CTNNBIP1: variants seen among roughly 807,000 people sequenced by gnomAD.
CTNNBIP1 encodes the protein catenin beta interacting protein 1.
A neutral mutation model predicts 11.8 loss-of-function variants in CTNNBIP1; 7 were observed. The observed-to-expected ratio is 0.60, with a 90% CI of 0.34 to 1.12. CTNNBIP1 has a LOEUF of 1.12. Among genes scored for constraint, CTNNBIP1 ranks in the 50% most tolerant of loss-of-function variants. The pLI is 0.03. For missense variants in CTNNBIP1, 101 were observed against 113.4 expected (o/e 0.89, Z 0.50); for synonymous variants, 58 against 43.9 (o/e 1.32, Z -1.26).
chr1:9,852,624 A>G (rs893566094), intron 5 of CTNNBIP1, among the ~76,000 whole-genome samples: 4 of 152,230 alleles, frequency 2.6e-5, no homozygotes, highest in Non-Finnish European at 4.4e-5. Context: ...CCTGCACGGC[A>G]GCTGAGTTGG....
intron 2 of CTNNBIP1, chr1:9,878,201 A>G (rs1570579830): frequency 6.6e-6 from 1 of 152,280 alleles, no homozygotes; most frequent in East Asian, 1.9e-4. Context: ...AAGGTGCTGA[A>G]GGCAGCTCAG....
intron 5 of CTNNBIP1, among the ~76,000 whole-genome samples, chr1:9,855,255 C>CTTTT (rs35112494): frequency 3.4e-4 from 43 of 127,380 alleles, no homozygotes; most frequent in African/African-American, 1.0e-3. Context: ...TAAAAATTGC[C>CTTTT]TTTTTTTTTT....
chr1:9,874,710 A>G (rs1258544225), intron 3 of CTNNBIP1, among the ~76,000 whole-genome samples: 1 of 152,192 alleles, frequency 6.6e-6, no homozygotes, highest in Non-Finnish European at 1.5e-5. Context: ...CGCTTGGCTA[A>G]ATGGAATAGT....
chr1:9,879,582 G>A (rs931763888), intron 2 of CTNNBIP1, among the ~76,000 whole-genome samples: 2 of 152,118 alleles, frequency 1.3e-5, no homozygotes, highest in South Asian at 2.1e-4. Context: ...CTAACCCTAC[G>A]GGAATAGGCC....
intron 1 of CTNNBIP1, among the ~76,000 whole-genome samples, chr1:9,894,340 C>G (rs529686725): frequency 1.3e-5 from 2 of 152,266 alleles, no homozygotes; most frequent in Admixed American, 6.5e-5. Context: ...CATTAACACC[C>G]CAAGGAATTC....
Position 9,871,856 on chromosome 1 carries a change from C to T in CTNNBIP1, c.96+113G>A, listed in dbSNP as rs1267675083. 9.2e-6 allele frequency: 8 copies of T among 870,878 alleles called. No individual in the cohort carries two copies. The highest frequency in any genetic ancestry group is 2.9e-5 in the South Asian group (2 of 67,872). 53.9% of individuals were successfully genotyped at this position (870,878 alleles called of 1,614,324 possible). ...CAGGCCCAGCGGCCCCTCCTCAGCC[C>T]GTGGCTCCGCAGGAGGCAGCCGCAG... On this transcript the variant is annotated intron_variant, in intron 4 of 5. Coordinates refer to ENST00000377263, the MANE Select transcript of CTNNBIP1 (RefSeq NM_020248.3). This position sits in a 1 kb window ranked among gnomAD's most constrained non-coding sequence, Gnocchi z 5.2.
intron 1 of CTNNBIP1, among the ~76,000 whole-genome samples, chr1:9,893,455 C>T (rs919030047): frequency 1.3e-5 from 2 of 152,146 alleles, no homozygotes; most frequent in African/African-American, 4.8e-5. Flanking sequence ...CTGTTAAGAG[C>T]TCCCCTGGCA....
chr1:9,896,516 T>A (rs749130127), intron 1 of CTNNBIP1, among the ~76,000 whole-genome samples: 9 of 151,942 alleles, frequency 5.9e-5, no homozygotes, highest in Non-Finnish European at 1.0e-4. Flanking sequence ...CTGGCCAACA[T>A]GGTGAAACCC....
intron 1 of CTNNBIP1, among the ~76,000 whole-genome samples, chr1:9,885,210 C>G (rs1347421131): frequency 6.6e-6 from 1 of 152,032 alleles, no homozygotes; most frequent in Non-Finnish European, 1.5e-5. Context: ...GATGTGGGGG[C>G]AATGGTGACG....
rs186981646 is a variant in CTNNBIP1, at chr1:9,864,360, G to A, written c.187+6827C>T. Among the ~76,000 whole-genome samples, 561 of 152,282 alleles carry A rather than the reference G, an allele frequency of 3.7e-3. 4 individuals are homozygous for A. The highest frequency in any genetic ancestry group is 0.012 in the African/African-American group (518 of 41,550). On this transcript the variant is annotated intron_variant, in intron 5 of 5. Transcript: ENST00000377263. ...CTTTTCTTTTTTTAGGCCGAGTCTC[G>A]CTCTGTCGCCCAGGCTGGAGTGCAG... is the stretch of plus-strand genomic sequence containing the variant.
chr1:9,854,980 T>TA (rs2101432211), intron 5 of CTNNBIP1, among the ~76,000 whole-genome samples: 1 of 152,248 alleles, frequency 6.6e-6, no homozygotes, highest in African/African-American at 2.4e-5. Context: ...CCTGGCCCAC[T>TA]AAAAAACTAT....
intron 3 of CTNNBIP1, among the ~76,000 whole-genome samples, chr1:9,873,268 C>A (rs1638902156): frequency 1.3e-5 from 2 of 152,168 alleles, no homozygotes; most frequent in Non-Finnish European, 2.9e-5. Flanking sequence ...TAAACCCCTA[C>A]AGCCCAGACT....
Position 9,850,594 on chromosome 1 carries a change from G to C in CTNNBIP1, c.*124C>G, listed in dbSNP as rs1638360799. The C allele has an allele frequency of 1.2e-6, 1 of 812,980 alleles. No individual in the cohort carries two copies. Among genetic ancestry groups the C allele is most frequent in the East Asian group, 2.5e-5 (1 of 39,972 alleles). The allele number at this position is 812,980 out of a possible 1,614,324, so 50.4% of individuals were successfully genotyped here. The stretch of plus-strand genomic sequence containing the variant: ...AGTAGCTGTGAGGTGGGGTGGGGCA[G>C]GGCAGGGTTGGGTAGGGGAAGGGGG... On this transcript the variant is annotated 3_prime_UTR_variant, in exon 6 of 6. Transcript: ENST00000377263.
Position 9,850,461 on chromosome 1 carries a change from C to A in CTNNBIP1, c.*257G>T. 1 of 411,740 alleles carries A rather than the reference C, an allele frequency of 2.4e-6. No homozygotes were observed. The allele number at this position is 411,740 out of a possible 1,614,324, so 25.5% of individuals were successfully genotyped here. On this transcript the variant is annotated 3_prime_UTR_variant, in exon 6 of 6. Transcript: ENST00000377263. ...ATAAAAATAAAAGGTTTCTGTTGGT[C>A]AAGATTTAAAAAATAAAAAAGTTTC...
At chr1:9,855,963 T>C (rs762587986) in intron 5 of CTNNBIP1, among the ~76,000 whole-genome samples, 64 of 152,126 alleles carry the variant, frequency 4.2e-4, no homozygotes, top group Middle Eastern at 3.4e-3. Context: ...CTGATCAACA[T>C]GGTGAAACCC....
At chr1:9,887,513 G>T (rs1639210954) in intron 1 of CTNNBIP1, among the ~76,000 whole-genome samples, 1 of 152,086 alleles carries the variant, frequency 6.6e-6, no homozygotes, top group Admixed American at 6.6e-5. Flanking sequence ...TCAAGAGATC[G>T]CCAACATAGT....
chr1:9,871,781 G>T lies in CTNNBIP1; in HGVS notation c.96+188C>A, dbSNP rs930490702. On this transcript the variant is annotated intron_variant, in intron 4 of 5. Coordinates refer to ENST00000377263, the MANE Select transcript of CTNNBIP1 (RefSeq NM_020248.3). The surrounding 1 kb of genome is among the most constrained non-coding windows in gnomAD (Gnocchi z 5.2). ...GTGTCGGGTGTCCCCAGAACTTGAC[G>T]TGCTGGGCTCTGTGCCTAGGGGGCC... 6.6e-6 allele frequency among the ~76,000 whole-genome samples: 1 copy of T among 152,102 alleles called. No homozygotes were observed. Among genetic ancestry groups the T allele is most frequent in the Non-Finnish European group, 1.5e-5 (1 of 68,010 alleles).
chr1:9,854,963 T>C (rs2101432074), intron 5 of CTNNBIP1, among the ~76,000 whole-genome samples: 1 of 152,244 alleles, frequency 6.6e-6, no homozygotes, highest in African/African-American at 2.4e-5. Context: ...AGGCTTGAGC[T>C]ACTGCACCTG....
In CTNNBIP1 at chr1:9,884,915, G is replaced by A. The variant is rs550984553; in HGVS notation, c.-143-1177C>T. ...ACAGGGGCGGCTGCAGGCCAGCACTGGGGTGGGGCTGCGGTGGAACAGGCC... is the reference window on the plus strand; with the variant it reads ...ACAGGGGCGGCTGCAGGCCAGCACTAGGGTGGGGCTGCGGTGGAACAGGCC... On this transcript the variant is annotated intron_variant, in intron 1 of 5. Coordinates refer to ENST00000377263, the MANE Select transcript of CTNNBIP1 (RefSeq NM_020248.3). Among the ~76,000 whole-genome samples the A allele has an allele frequency of 8.5e-5, 13 of 152,248 alleles. No individual in the cohort carries two copies. The East Asian group carries it at 2.5e-3, about 29-fold the overall frequency.
Sources: gnomAD v4.1 joint callset for allele counts (sites outside exome capture counted in the v4.1 genomes callset) on GRCh38, gnomAD v4.1.1 for gene constraint, Gnocchi (gnomAD v3.1) non-coding constraint, MANE v1.5 for transcripts, NCBI Gene and HGNC (gene_info 2026-07-23, HGNC 2026-07-21) for gene names.